The following FPR2 variants were observed in gnomAD, a reference collection of about 807,000 sequenced individuals.
FPR2 encodes the protein formyl peptide receptor 2.
FPR2 carries 3 observed loss-of-function variants against 4.0 expected under a neutral mutation model. The observed-to-expected ratio is 0.74, with a 90% CI of 0.34 to 1.92. The LOEUF (loss-of-function observed/expected upper bound fraction) is 1.92. Among genes scored for constraint, FPR2 ranks in the 30% most tolerant of loss-of-function variants. The pLI is 0.07. For missense variants in FPR2, 372 were observed against 435.7 expected (o/e 0.85, Z 1.30); for synonymous variants, 179 against 171.5 (o/e 1.04, Z -0.34).
rs141859470 is a variant in FPR2 at position 51,764,714 on chromosome 19, G to C, written c.-15+3484G>C. ...CATAATCAGTACAGGTATCATCTGT[G>C]GTTCGCAGTTCTCCTCCTTACATTA... is the stretch of plus-strand genomic sequence containing the variant. On this transcript the variant is annotated intron_variant, in intron 1 of 1. Transcript: ENST00000340023. 2.6e-3 allele frequency among the ~76,000 whole-genome samples: 399 copies of C among 152,232 alleles called. 3 individuals carry two copies. Among genetic ancestry groups the C allele is most frequent in the Middle Eastern group, 0.01 (3 of 294 alleles).
Position 51,769,308 on chromosome 19 carries a change from T to C in FPR2, c.650T>C (p.Val217Ala). Residue 217 changes from valine (V) to alanine (A), a missense_variant, in exon 2 of 2, where the codon GTT (valine) becomes GCT (alanine). By Grantham distance (64) the Val-to-Ala change is moderately conservative (BLOSUM62 0). Coordinates refer to ENST00000340023, the MANE Select transcript of FPR2 (RefSeq NM_001005738.2). The surrounding 1 kb of genome is among the most constrained non-coding windows in gnomAD (Gnocchi z 4.4). ...GGCTTTAGCTTGCCGATGTCCATTG[T>C]TGCCATCTGCTATGGGCTCATTGCA... ...VIGFSLPMSIVAICYGLIAAK... is the reference protein window; with the variant it reads ...VIGFSLPMSIAAICYGLIAAK... The C allele has an allele frequency of 6.2e-7, 1 of 1,614,224 alleles. No individual in the cohort carries two copies. The highest frequency in any genetic ancestry group is 8.5e-7 in the Non-Finnish European group (1 of 1,180,030).
In FPR2 at chr19:51,768,670, C is replaced by T. The variant is rs1331060701; in HGVS notation, c.12C>T (p.Asn4=). Residue 4 remains asparagine (N), a synonymous_variant, in exon 2 of 2, where the codon AAC becomes AAT. Coordinates refer to ENST00000340023, the MANE Select transcript of FPR2 (RefSeq NM_001005738.2). MET[N]FSTPLNEYEE... ...GTGCTGCTGGCAAGATGGAAACCAA[C>T]TTCTCCACTCCTCTGAATGAATATG... The T allele has an allele frequency of 1.2e-5, 19 of 1,599,852 alleles. No homozygotes were observed. Among genetic ancestry groups the T allele is most frequent in the East Asian group, 2.2e-5 (1 of 44,628 alleles).
intron 1 of FPR2, among the ~76,000 whole-genome samples, chr19:51,764,422 G>C (rs1344177916): frequency 1.3e-5 from 2 of 152,320 alleles, no homozygotes; most frequent in East Asian, 3.9e-4. Flanking sequence ...GAGAAAGCAG[G>C]ACTGAAATAA....
At chr19:51,766,562 G>T (rs2083869531) in intron 1 of FPR2, among the ~76,000 whole-genome samples, 1 of 152,212 alleles carries the variant, frequency 6.6e-6, no homozygotes, top group Non-Finnish European at 1.5e-5. Context: ...AAAATCACCA[G>T]ACTGAGGCAT....
rs2083894741 is a variant in FPR2 at position 51,770,484 on chromosome 19, G to A, written c.*770G>A. The A allele has an allele frequency of 6.0e-6, 1 of 167,032 alleles. No individual in the cohort carries two copies. The highest frequency in any genetic ancestry group is 6.5e-5 in the Admixed American group (1 of 15,280). The allele number at this position is 167,032 out of a possible 1,614,324, so 10.3% of individuals were successfully genotyped here. ...GTAATTCCTCTGATTCTGTTTTCTGGTGTTATATCTTTATTAAATATTCAG... is the reference window on the plus strand; with the variant it reads ...GTAATTCCTCTGATTCTGTTTTCTGATGTTATATCTTTATTAAATATTCAG... On this transcript the variant is annotated 3_prime_UTR_variant, in exon 2 of 2. Coordinates refer to ENST00000340023, the MANE Select transcript of FPR2 (RefSeq NM_001005738.2).
intron 1 of FPR2, chr19:51,762,394 CT>C (rs750941089): frequency 4.7e-3 from 545 of 115,958 alleles, no homozygotes; most frequent in South Asian, 0.018. Flanking sequence ...CCTTATTGGA[CT>C]TTTTTTTTTT....
At position 51,769,518 on chromosome 19, in the gene FPR2, C is replaced by A. The variant is rs1316674085; in HGVS notation, c.860C>A (p.Thr287Lys). Residue 287 changes from threonine (T) to lysine (K), a missense_variant, in exon 2 of 2, where the codon ACG (threonine) becomes AAG (lysine). Physicochemically the swap from Thr to Lys is moderately conservative, Grantham distance 78. Transcript: ENST00000340023. The surrounding 1 kb of genome is among the most constrained non-coding windows in gnomAD (Gnocchi z 4.4). The stretch of plus-strand genomic sequence containing the variant: ...ATCATTGACATCCTGGTTAACCCAA[C>A]GAGCTCCCTGGCCTTCTTCAACAGC... ...YKIIDILVNP[T>K]SSLAFFNSCL... 3.1e-6 allele frequency: 5 copies of A among 1,614,202 alleles called. No individual in the cohort carries two copies. Among genetic ancestry groups the A allele is most frequent in the Middle Eastern group, 1.6e-4 (1 of 6,062 alleles).
At chr19:51,764,147 G>C (rs2083855821) in intron 1 of FPR2, among the ~76,000 whole-genome samples, 1 of 152,128 alleles carries the variant, frequency 6.6e-6, no homozygotes, top group East Asian at 1.9e-4. Context: ...AAAATCTTGA[G>C]GGTTTGTTTT....
rs370498509 is a variant in FPR2 at position 51,769,606 on chromosome 19, C to A, written c.948C>A (p.Ser316=). ...ACTTCCGAGAGAGACTGATCCACTC[C>A]CTGCCCACCAGTCTGGAGAGGGCCC... The part of the protein sequence containing the change: ...GQDFRERLIH[S]LPTSLERALS... The change falls in exon 2 of 2, where the codon TCC becomes TCA. Residue 316 remains serine (S), a synonymous_variant. Coordinates refer to ENST00000340023, the MANE Select transcript of FPR2 (RefSeq NM_001005738.2). This position sits in a 1 kb window ranked among gnomAD's most constrained non-coding sequence, Gnocchi z 4.4. 30 of 1,614,084 alleles carry A rather than the reference C, an allele frequency of 1.9e-5. No individual in the cohort carries two copies. Among genetic ancestry groups the A allele is most frequent in the Non-Finnish European group, 2.5e-5 (29 of 1,180,034 alleles).
chr19:51,761,590 G>A (rs2083838621), intron 1 of FPR2, among the ~76,000 whole-genome samples: 1 of 152,030 alleles, frequency 6.6e-6, no homozygotes, highest in South Asian at 2.1e-4. Context: ...CACGTGTGTG[G>A]CTGGCATTTA....
chr19:51,769,504 C>T lies in FPR2; in HGVS notation c.846C>T (p.Ile282=). The T allele has an allele frequency of 6.2e-7, 1 of 1,614,196 alleles. No homozygotes were observed. Among genetic ancestry groups the T allele is most frequent in the East Asian group, 2.2e-5 (1 of 44,878 alleles). Residue 282 remains isoleucine, a synonymous_variant, in exon 2 of 2, where the codon ATC becomes ATT. Coordinates refer to ENST00000340023, the MANE Select transcript of FPR2 (RefSeq NM_001005738.2). The surrounding 1 kb of genome is among the most constrained non-coding windows in gnomAD (Gnocchi z 4.4). ...LFYGKYKIID[I]LVNPTSSLAF... ...ATGGCAAGTACAAAATCATTGACAT[C>T]CTGGTTAACCCAACGAGCTCCCTGG...
In FPR2 at chr19:51,768,979, C is replaced by T. The variant is rs1890868470; in HGVS notation, c.321C>T (p.Ile107=). 6.2e-7 allele frequency: 1 copy of T among 1,614,068 alleles called. No homozygotes were observed. The highest frequency in any genetic ancestry group is 1.7e-5 in the Admixed American group (1 of 60,000). The stretch of plus-strand genomic sequence containing the variant: ...AGTTAATTCACATCGTGGTGGACAT[C>T]AACCTCTTTGGAAGTGTCTTCTTGA... ...LCKLIHIVVD[I]NLFGSVFLIG... The change falls in exon 2 of 2, where the codon ATC becomes ATT. Residue 107 remains isoleucine, a synonymous_variant. Transcript: ENST00000340023.
chr19:51,761,456 C>T (rs1434532140), intron 1 of FPR2, among the ~76,000 whole-genome samples: 2 of 152,182 alleles, frequency 1.3e-5, no homozygotes, highest in Non-Finnish European at 2.9e-5. Context: ...TCGTTAATAA[C>T]TTTCATTTTG....
chr19:51,766,965 G>T (rs1199405196), intron 1 of FPR2, among the ~76,000 whole-genome samples: 5 of 152,174 alleles, frequency 3.3e-5, no homozygotes, highest in South Asian at 2.1e-4. Flanking sequence ...GGGTATATGT[G>T]CAGGTTTGTT....
intron 1 of FPR2, among the ~76,000 whole-genome samples, chr19:51,767,399 C>CA (rs1301646039): frequency 2.0e-5 from 3 of 151,696 alleles, no homozygotes; most frequent in Non-Finnish European, 3.0e-5. Flanking sequence ...AAAACAAAAA[C>CA]AAAAAAACTT....
rs1054301459 is a variant in FPR2, at chr19:51,769,782, C to A, written c.*68C>A. ...AATGCCAGTTCCAGCTTCATCTACCCTTGAGTCATATTGAGGCATTCAAGG... is the reference window on the plus strand; with the variant it reads ...AATGCCAGTTCCAGCTTCATCTACCATTGAGTCATATTGAGGCATTCAAGG... On this transcript the variant is annotated 3_prime_UTR_variant, in exon 2 of 2. Transcript: ENST00000340023. This position sits in a 1 kb window ranked among gnomAD's most constrained non-coding sequence, Gnocchi z 4.4. 7.4e-7 allele frequency: 1 copy of A among 1,360,230 alleles called. No homozygotes were observed. The highest frequency in any genetic ancestry group is 1.0e-6 in the Non-Finnish European group (1 of 967,386). The allele number at this position is 1,360,230 out of a possible 1,614,324, so 84.3% of individuals were successfully genotyped here.
At position 51,770,458 on chromosome 19, in the gene FPR2, A is replaced by C. The variant is rs1329658903; in HGVS notation, c.*744A>C. On this transcript the variant is annotated 3_prime_UTR_variant, in exon 2 of 2. Transcript: ENST00000340023. The stretch of plus-strand genomic sequence containing the variant: ...AATGGTCTCTGAAAAGGAATTGAGA[A>C]GTAATTCCTCTGATTCTGTTTTCTG... 6.0e-6 allele frequency: 1 copy of C among 167,124 alleles called. No homozygotes were observed. Among genetic ancestry groups the C allele is most frequent in the Admixed American group, 6.5e-5 (1 of 15,288 alleles). The allele number at this position is 167,124 out of a possible 1,614,324, so 10.4% of individuals were successfully genotyped here. A position where few individuals can be genotyped will look rare whatever the true frequency, so the allele number is the denominator to read the frequency against.
In FPR2 at chr19:51,768,950, T is replaced by C. The variant is rs754553038; in HGVS notation, c.292T>C (p.Cys98Arg). 6.8e-6 allele frequency: 11 copies of C among 1,614,046 alleles called. No individual in the cohort carries two copies. The African/African-American group carries it at 1.5e-4, about 22-fold the overall frequency. Residue 98 changes from cysteine (C) to arginine (R), a missense_variant, in exon 2 of 2, where the codon TGT becomes CGT. By Grantham distance (180) the Cys-to-Arg change is radical. Transcript: ENST00000340023. ...GEKWPFGWFL[C>R]KLIHIVVDIN... Reference sequence around the variant, plus strand: ...AAAATGGCCTTTTGGCTGGTTCCTGTGTAAGTTAATTCACATCGTGGTGGA... The same window carrying C: ...AAAATGGCCTTTTGGCTGGTTCCTGCGTAAGTTAATTCACATCGTGGTGGA...
intron 1 of FPR2, among the ~76,000 whole-genome samples, chr19:51,765,911 G>A (rs1196168344): frequency 6.6e-6 from 1 of 152,072 alleles, no homozygotes; most frequent in Non-Finnish European, 1.5e-5. Flanking sequence ...GAGAGATGTA[G>A]CTGACTTCAG....
Sources: allele counts gnomAD v4.1 joint callset (sites outside exome capture counted in the v4.1 genomes callset), GRCh38; gene constraint gnomAD v4.1.1; non-coding constraint Gnocchi (gnomAD v3.1); transcripts MANE v1.5; gene names NCBI Gene and HGNC (gene_info 2026-07-23, HGNC 2026-07-21).